The following RSF1 variants were observed in gnomAD, a reference collection of about 807,000 sequenced individuals.
RSF1 encodes the protein HBV pX-associated protein 8.
Under a neutral mutation model 145.2 loss-of-function variants are expected in RSF1, and 13 were observed. The observed-to-expected ratio is 0.09, with a 90% CI of 0.06 to 0.14. The LOEUF is 0.14. Ranked by LOEUF, RSF1 falls within the 10% of genes least tolerant of loss-of-function variation. The pLI is 1.00. For synonymous variants in RSF1, 577 were observed against 592.6 expected, an observed-to-expected ratio of 0.97 and a Z score of 0.38; for missense variants, 1,517 against 1,718.2, an observed-to-expected ratio of 0.88 and a Z score of 2.07.
chr11:77,764,584 CA>C lies in RSF1; in HGVS notation c.279+13del. On this transcript the variant is annotated intron_variant, in intron 2 of 15. Coordinates refer to ENST00000308488, the MANE Select transcript of RSF1 (RefSeq NM_016578.4). ...TTTCAGTAATAGAGCAGGAAATTTACAAATACTAGTTACCTTGATCAAATAT... is the reference window on the plus strand; with the variant it reads ...TTTCAGTAATAGAGCAGGAAATTTACAATACTAGTTACCTTGATCAAATAT... The C allele has an allele frequency of 6.9e-7, 1 of 1,452,480 alleles. No individual in the cohort carries two copies. Among genetic ancestry groups the C allele is most frequent in the Non-Finnish European group, 9.6e-7 (1 of 1,037,942 alleles). 90.0% of individuals were successfully genotyped at this position (1,452,480 alleles called of 1,614,324 possible). A position where few individuals can be genotyped will look rare whatever the true frequency, so the allele number is the denominator to read the frequency against.
rs532301397 is a variant in RSF1, at chr11:77,675,013, A to G, written c.3562+23T>C. 13 of 1,546,786 alleles carry G rather than the reference A, an allele frequency of 8.4e-6. 1 individual carries two copies. In the South Asian group the frequency reaches 1.1e-4, roughly 13 times the overall value. On this transcript the variant is annotated intron_variant, in intron 14 of 15. Transcript: ENST00000308488. ...ACAAAAAATAATTTATTGAGCTACC[A>G]TATGGTTACAGATTATTTTTACCAG...
intron 11 of RSF1, among the ~76,000 whole-genome samples, chr11:77,678,429 A>G (rs1274219301): frequency 6.6e-6 from 1 of 151,974 alleles, no homozygotes; most frequent in African/African-American, 2.4e-5. Context: ...GTTGGCCAGA[A>G]TGGTCTCGAT....
intron 4 of RSF1, among the ~76,000 whole-genome samples, chr11:77,737,621 G>GGGTGT (rs1491534916): frequency 1.5e-4 from 14 of 93,548 alleles, no homozygotes; most frequent in Admixed American, 9.4e-4. Flanking sequence ...TGTTTTGGGG[G>GGGTGT]GTGTGTGTGT....
chr11:77,741,589 T>C (rs1947939633), intron 3 of RSF1, among the ~76,000 whole-genome samples: 1 of 152,050 alleles, frequency 6.6e-6, no homozygotes, highest in Non-Finnish European at 1.5e-5. Flanking sequence ...AAATGACAAA[T>C]AAAAATTGCA....
intron 6 of RSF1, among the ~76,000 whole-genome samples, chr11:77,700,313 T>C (rs1960384244): frequency 7.8e-6 from 1 of 128,364 alleles, no homozygotes; most frequent in African/African-American, 3.0e-5. Flanking sequence ...ATAGTGCCAT[T>C]GCACTCCAGC....
chr11:77,761,490 G>A (rs1405010182), intron 2 of RSF1, among the ~76,000 whole-genome samples: 1 of 145,210 alleles, frequency 6.9e-6, no homozygotes, highest in Non-Finnish European at 1.5e-5. Context: ...TATCCCACTA[G>A]TTTTAAAGGT....
intron 14 of RSF1, among the ~76,000 whole-genome samples, chr11:77,673,071 C>T (rs1405626445): frequency 6.6e-6 from 1 of 152,220 alleles, no homozygotes; most frequent in Non-Finnish European, 1.5e-5. Flanking sequence ...GACTGCTCTT[C>T]TTGGTAGACG....
rs1433948418 is a variant in RSF1 at position 77,663,926 on chromosome 11, TTTAAATTA to T, written c.*2983_*2990del. The T allele has an allele frequency of 6.6e-6, 1 of 151,670 alleles. No homozygotes were observed. Among genetic ancestry groups the T allele is most frequent in the Admixed American group, 6.6e-5 (1 of 15,186 alleles). The allele number at this position is 151,670 out of a possible 1,614,324, so 9.4% of individuals were successfully genotyped here. ...CCAACTTGTATTTCAACAAGGGGGG[TTTAAATTA>T]TTAAAGGGCTCTATTATGTAGCAGC... On this transcript the variant is annotated 3_prime_UTR_variant, in exon 16 of 16. Coordinates refer to ENST00000308488, the MANE Select transcript of RSF1 (RefSeq NM_016578.4).
At chr11:77,802,641 T>TCAAGCGATTCTCCTGCCTC (rs1948637245) in intron 1 of RSF1, among the ~76,000 whole-genome samples, 1 of 152,168 alleles carries the variant, frequency 6.6e-6, no homozygotes, top group African/African-American at 2.4e-5. Flanking sequence ...CCTCCTGGGT[T>TCAAGCGATTCTCCTGCCTC]CAAGCGATTC....
intron 15 of RSF1, among the ~76,000 whole-genome samples, chr11:77,668,685 CTG>C (rs1158929476): frequency 1.3e-5 from 2 of 152,158 alleles, no homozygotes; most frequent in Non-Finnish European, 2.9e-5. Context: ...AACATTTACA[CTG>C]TATCAGGTAT....
intron 5 of RSF1, among the ~76,000 whole-genome samples, chr11:77,710,912 C>A (rs982669676): frequency 1.3e-5 from 2 of 152,050 alleles, no homozygotes; most frequent in Non-Finnish European, 2.9e-5. Context: ...TCCTTACTAC[C>A]TGGAGTGACA....
Position 77,701,525 on chromosome 11 carries a change from C to G in RSF1, c.1704G>C (p.Glu568Asp), listed in dbSNP as rs746408255. The G allele has an allele frequency of 6.2e-7, 1 of 1,613,810 alleles. No homozygotes were observed. The highest frequency in any genetic ancestry group is 8.5e-7 in the Non-Finnish European group (1 of 1,179,996). ...STESCTMKGE[E>D]KSPKTKKDKR... The stretch of plus-strand genomic sequence containing the variant: ...TATCCTTCTTAGTTTTGGGAGACTT[C>G]TCTTCACCTTTCATGGTACACGACT... The change falls in exon 6 of 16, where the codon GAG becomes GAC. Residue 568 changes from glutamate (E) to aspartate (D), a missense_variant. By Grantham distance (45) the Glu-to-Asp change is conservative (BLOSUM62 2). Transcript: ENST00000308488.
chr11:77,847,922 T>C, the RSF1 span, among the ~76,000 whole-genome samples: 24 of 152,144 alleles, frequency 1.6e-4, no homozygotes, highest in African/African-American at 5.1e-4. Context: ...GCAGAAGAAA[T>C]TGAGATGAGA....
chr11:77,740,105 G>C (rs900649785), intron 4 of RSF1, among the ~76,000 whole-genome samples: 12 of 152,256 alleles, frequency 7.9e-5, no homozygotes, highest in African/African-American at 2.7e-4. Context: ...GCTGGGCCTG[G>C]TGGCCAACGC....
At chr11:77,715,050 G>A (rs501153) in intron 5 of RSF1, among the ~76,000 whole-genome samples, 51,904 of 151,844 alleles carry the variant, frequency 0.34, 9,031 homozygotes, top group East Asian at 0.43. Flanking sequence ...CTGGAGCCCA[G>A]GTGTTCAAGG....
the RSF1 span, among the ~76,000 whole-genome samples, chr11:77,870,589 A>G: frequency 4.6e-5 from 7 of 152,144 alleles, no homozygotes; most frequent in East Asian, 1.4e-3. Context: ...CACCTGCCTC[A>G]GCCTCCCAAA....
At chr11:77,724,436 T>C (rs1961005255) in intron 5 of RSF1, among the ~76,000 whole-genome samples, 1 of 152,184 alleles carries the variant, frequency 6.6e-6, no homozygotes, top group Non-Finnish European at 1.5e-5. Context: ...CATGGCAGCA[T>C]TATTCACAAC....
At chr11:77,754,142 C>A (rs1473895576) in intron 2 of RSF1, among the ~76,000 whole-genome samples, 1 of 152,134 alleles carries the variant, frequency 6.6e-6, no homozygotes, top group Non-Finnish European at 1.5e-5. Context: ...TTGGGTAGTT[C>A]TACCATCATG....
intron 1 of RSF1, among the ~76,000 whole-genome samples, chr11:77,769,585 T>G (rs1299286767): frequency 6.6e-6 from 1 of 152,136 alleles, no homozygotes; most frequent in Non-Finnish European, 1.5e-5. Flanking sequence ...GCTGCCAACA[T>G]GATGTAGGTA....
Sources: gnomAD v4.1 joint callset for allele counts (sites outside exome capture counted in the v4.1 genomes callset) on GRCh38, gnomAD v4.1.1 for gene constraint, MANE v1.5 for transcripts, NCBI Gene and HGNC (gene_info 2026-07-23, HGNC 2026-07-21) for gene names.